Variants in OXNAD1 observed in about 807,000 individuals in gnomAD.
The protein encoded by OXNAD1 is oxidoreductase NAD binding domain containing 1.
In OXNAD1, 34 loss-of-function variants were observed where a neutral mutation model predicts 32.9. The ratio of observed to expected loss-of-function variants is 1.03; its 90% CI spans 0.79 to 1.38. OXNAD1 has a LOEUF of 1.38. Ranked by LOEUF, OXNAD1 falls within the 40% of genes most tolerant of loss-of-function variation. OXNAD1 has a pLI of 0.00. For synonymous variants in OXNAD1, 134 were observed against 135.2 expected (o/e 0.99, Z 0.06); for missense variants, 407 against 379.4 (o/e 1.07, Z -0.60).
At chr3:16,311,160 G>T (rs1176090370) in intron 9 of OXNAD1, among the ~76,000 whole-genome samples, 1 of 149,750 alleles carries the variant, frequency 6.7e-6, no homozygotes, top group African/African-American at 2.5e-5. Context: ...AAAGAAAGAT[G>T]TAGTTCTTTG....
In OXNAD1 at chr3:16,269,246, A is replaced by G. The variant is rs1203154637; in HGVS notation, c.-38A>G. 6.5e-7 allele frequency: 1 copy of G among 1,535,496 alleles called. No individual in the cohort carries two copies. The highest frequency in any genetic ancestry group is 8.7e-7 in the Non-Finnish European group (1 of 1,146,798). Reference sequence around the variant, plus strand: ...TGTCAATCAGCTGACCATATACTTAATGACTCCTAAAATCTCGTGGACTTC... The same window carrying G: ...TGTCAATCAGCTGACCATATACTTAGTGACTCCTAAAATCTCGTGGACTTC... On this transcript the variant is annotated 5_prime_UTR_variant, in exon 2 of 9. The change abolishes an upstream ATG in the 5' untranslated region. Coordinates refer to ENST00000285083, the MANE Select transcript of OXNAD1 (RefSeq NM_138381.5).
At position 16,316,771 on chromosome 3, in the gene OXNAD1, TGGTAAGATGCCTTG is replaced by T. The variant is rs1398594344; in HGVS notation, c.*30+13183_*30+13196del. On this transcript the variant is annotated intron_variant, in intron 9 of 9. Transcript: ENST00000435829. The surrounding 1 kb of genome is among the most constrained non-coding windows in gnomAD (Gnocchi z 4.5). Reference sequence around the variant, plus strand: ...GGAAACCAGCCCCCAAACCAGCTGTTGGTAAGATGCCTTGGGTTTGGCAACTCACCTAGTTTTAG... The same window carrying T: ...GGAAACCAGCCCCCAAACCAGCTGTTGGTTTGGCAACTCACCTAGTTTTAG... The T allele has an allele frequency of 6.2e-7, 1 of 1,603,036 alleles. No individual in the cohort carries two copies. Among genetic ancestry groups the T allele is most frequent in the African/African-American group, 1.3e-5 (1 of 74,606 alleles).
rs1433116291 is a variant in OXNAD1 at position 16,271,240 on chromosome 3, G to A, written c.119+169G>A. The A allele has an allele frequency of 1.3e-5, 10 of 793,640 alleles. No homozygotes were observed. Among genetic ancestry groups the A allele is most frequent in the Middle Eastern group, 3.8e-4 (1 of 2,638 alleles). 49.2% of individuals were successfully genotyped at this position (793,640 alleles called of 1,614,324 possible). ...TTTGTCTGAGATGGAGTCTTGCTCC[G>A]TCGCCTGGGCTGGAGTGCAGTGGCA... is the stretch of plus-strand genomic sequence containing the variant. On this transcript the variant is annotated intron_variant, in intron 3 of 8. Transcript: ENST00000285083. This position sits in a 1 kb window ranked among gnomAD's most constrained non-coding sequence, Gnocchi z 4.6.
In OXNAD1 at chr3:16,302,561, A is replaced by C; in HGVS notation, c.676-79A>C. ...GCAGACGTGTGCAGAATGGGAGTTG[A>C]GGTTCAGCGTCAATGGTTGTGCACA... On this transcript the variant is annotated intron_variant, in intron 7 of 8. Coordinates refer to ENST00000285083, the MANE Select transcript of OXNAD1 (RefSeq NM_138381.5). This position sits in a 1 kb window ranked among gnomAD's most constrained non-coding sequence, Gnocchi z 4.2. 1 of 911,378 alleles carries C rather than the reference A, an allele frequency of 1.1e-6. No individual in the cohort carries two copies. Among genetic ancestry groups the C allele is most frequent in the East Asian group, 2.6e-5 (1 of 37,928 alleles). 56.5% of individuals were successfully genotyped at this position (911,378 alleles called of 1,614,324 possible).
Position 16,271,679 on chromosome 3 carries a change from A to G in OXNAD1, c.140A>G (p.Lys47Arg), listed in dbSNP as rs1451382118. 4 of 1,606,246 alleles carry G rather than the reference A, an allele frequency of 2.5e-6. No homozygotes were observed. Among genetic ancestry groups the G allele is most frequent in the Non-Finnish European group, 3.4e-6 (4 of 1,178,064 alleles). Residue 47 changes from lysine to arginine, a missense_variant, in exon 4 of 9, where the codon AAA (lysine) becomes AGA (arginine). Transcript: ENST00000285083. The surrounding 1 kb of genome is among the most constrained non-coding windows in gnomAD (Gnocchi z 4.6). ...TLTSIMKSKRKTDHMERTASV... is the reference protein window; with the variant it reads ...TLTSIMKSKRRTDHMERTASV... ...TAAAGCATAATGAAATCCAAAAGGA[A>G]AACTGATCACATGGAGAGAACTGCA...
downstream of OXNAD1, among the ~76,000 whole-genome samples, chr3:16,309,497 A>T (rs1218263652): frequency 2.4e-5 from 1 of 42,494 alleles, no homozygotes; most frequent in Non-Finnish European, 4.6e-5. Context: ...CAATTTTCTG[A>T]TTGAATTTTC....
At chr3:16,308,866 C>G (rs984371690), downstream of OXNAD1, among the ~76,000 whole-genome samples, 27 of 152,174 alleles carry the variant, frequency 1.8e-4, no homozygotes, top group African/African-American at 6.5e-4. This position sits in a 1 kb window ranked among gnomAD's most constrained non-coding sequence, Gnocchi z 4.4. Context: ...TTGAGCATAA[C>G]AAGATTTTAT....
chr3:16,286,576 T>C (rs887103664), intron 5 of OXNAD1, 128 bp downstream of exon 5: 5 of 758,934 alleles, frequency 6.6e-6, no homozygotes, highest in Non-Finnish European at 2.2e-6. Context: ...TCATATCTGC[T>C]CAGGGTGAGC....
chr3:16,300,140 T>G (rs1451900149), intron 6 of OXNAD1, among the ~76,000 whole-genome samples: 1 of 152,180 alleles, frequency 6.6e-6, no homozygotes, highest in Non-Finnish European at 1.5e-5. Context: ...CTCGGTCAGA[T>G]CCAATGCTCC....
In OXNAD1 at chr3:16,271,081, T is replaced by C; in HGVS notation, c.119+10T>C. ...ACCTTACTCTAACCAGGTGAGTCAT[T>C]AAGACTTCTGTGTCATTTGAAGTTA... On this transcript the variant is annotated intron_variant, in intron 3 of 8. Coordinates refer to ENST00000285083, the MANE Select transcript of OXNAD1 (RefSeq NM_138381.5). The surrounding 1 kb of genome is among the most constrained non-coding windows in gnomAD (Gnocchi z 4.6). 1 of 1,613,188 alleles carries C rather than the reference T, an allele frequency of 6.2e-7. No homozygotes were observed. Among genetic ancestry groups the C allele is most frequent in the South Asian group, 1.1e-5 (1 of 90,892 alleles).
chr3:16,330,450 C>T (rs1027758888), intron 9 of OXNAD1, among the ~76,000 whole-genome samples: 1 of 152,284 alleles, frequency 6.6e-6, no homozygotes, highest in African/African-American at 2.4e-5. Flanking sequence ...GAAACATATC[C>T]GGATGGAAGG....
At position 16,322,957 on chromosome 3, in the gene OXNAD1, C is replaced by T. The variant is rs1177483017; in HGVS notation, c.*31-14155C>T. ...GCTTAGATCCCCACACTTTTAATGT[C>T]CTAAGGAATCTTAACAGGGCAGGCC... On this transcript the variant is annotated intron_variant, in intron 9 of 9. Coordinates refer to the OXNAD1 transcript ENST00000435829. This position sits in a 1 kb window ranked among gnomAD's most constrained non-coding sequence, Gnocchi z 6.2. Among the ~76,000 whole-genome samples the T allele has an allele frequency of 2.0e-5, 3 of 152,110 alleles. No individual in the cohort carries two copies. The highest frequency in any genetic ancestry group is 1.9e-4 in the East Asian group (1 of 5,186).
At position 16,316,803 on chromosome 3, in the gene OXNAD1, A is replaced by G. The variant is rs975516338; in HGVS notation, c.*30+13211A>G. 1.2e-6 allele frequency: 2 copies of G among 1,612,716 alleles called. No individual in the cohort carries two copies. The highest frequency in any genetic ancestry group is 2.7e-5 in the African/African-American group (2 of 74,898). ...ATGCCTTGGGTTTGGCAACTCACCTAGTTTTAGCACAAATTGCCCAAGACT... is the reference window on the plus strand; with the variant it reads ...ATGCCTTGGGTTTGGCAACTCACCTGGTTTTAGCACAAATTGCCCAAGACT... On this transcript the variant is annotated intron_variant, in intron 9 of 9. Coordinates refer to the OXNAD1 transcript ENST00000435829. This position sits in a 1 kb window ranked among gnomAD's most constrained non-coding sequence, Gnocchi z 4.5.
intron 9 of OXNAD1, among the ~76,000 whole-genome samples, chr3:16,319,252 G>T (rs1027712304): frequency 6.6e-6 from 1 of 152,202 alleles, no homozygotes; most frequent in Non-Finnish European, 1.5e-5. Context: ...CCGAGAGGCA[G>T]TTGGCTCTCA....
chr3:16,328,542 T>G (rs1204395925), intron 9 of OXNAD1, among the ~76,000 whole-genome samples: 5 of 152,242 alleles, frequency 3.3e-5, no homozygotes, highest in Non-Finnish European at 2.9e-5. Context: ...CCTTGGCGAC[T>G]AATTTATCCC....
At position 16,332,399 on chromosome 3, in the gene OXNAD1, C is replaced by T. The variant is rs192057069; in HGVS notation, c.*31-4713C>T. ...TATTTTTAAGATTCAAAAGCCCTTT[C>T]TTATCTTTTGATTGCTTCTTTTTTT... On this transcript the variant is annotated intron_variant, in intron 9 of 9. Transcript: ENST00000435829. Among the ~76,000 whole-genome samples, 44 of 140,722 alleles carry T rather than the reference C, an allele frequency of 3.1e-4. 1 individual carries two copies. In the East Asian group the frequency reaches 6.2e-3, roughly 20 times the overall value. 92.3% of individuals were successfully genotyped at this position (140,722 alleles called of 152,430 possible). A position where few individuals can be genotyped will look rare whatever the true frequency, so the allele number is the denominator to read the frequency against.
rs868259583 is a variant in OXNAD1, at chr3:16,312,022, A to G, written c.*30+8430A>G. 6.6e-6 allele frequency among the ~76,000 whole-genome samples: 1 copy of G among 152,200 alleles called. No homozygotes were observed. The highest frequency in any genetic ancestry group is 6.5e-5 in the Admixed American group (1 of 15,286). On this transcript the variant is annotated intron_variant, in intron 9 of 9. Coordinates refer to the OXNAD1 transcript ENST00000435829. This position sits in a 1 kb window ranked among gnomAD's most constrained non-coding sequence, Gnocchi z 4.7. ...GCCTGGCTTCCTCTGCTGGAGGGAC[A>G]TGCCGCTGTTGTGCAAGGGCTGGGG...
At chr3:16,272,105 G>A (rs1341118826) in intron 4 of OXNAD1, 2 of 248,102 alleles carry the variant, frequency 8.1e-6, no homozygotes, top group Non-Finnish European at 7.6e-6. Context: ...TTTTTTTTTT[G>A]CGTCACATCT....
chr3:16,328,288 G>A (rs1012648775), intron 9 of OXNAD1, among the ~76,000 whole-genome samples: 2 of 152,228 alleles, frequency 1.3e-5, no homozygotes, highest in African/African-American at 4.8e-5. Flanking sequence ...GTCTGTGGTC[G>A]GCTTAACTCA....
Sources: gnomAD v4.1 joint callset for allele counts (sites outside exome capture counted in the v4.1 genomes callset) on GRCh38, gnomAD v4.1.1 for gene constraint, Gnocchi (gnomAD v3.1) non-coding constraint, MANE v1.5 for transcripts, NCBI Gene and HGNC (gene_info 2026-07-23, HGNC 2026-07-21) for gene names.